Variants in ANO3 observed in about 807,000 individuals in gnomAD.
ANO3 encodes the protein anoctamin-3.
A neutral mutation model predicts 144.8 loss-of-function variants in ANO3; 99 were observed. That is an observed-to-expected ratio of 0.68 (90% CI 0.58 to 0.81). The LOEUF (loss-of-function observed/expected upper bound fraction) is 0.81, where lower values mean the gene tolerates loss of function less well. ANO3 is among the 30% of genes least tolerant of loss of function. ANO3 has a pLI of 0.00. For synonymous variants in ANO3, 414 were observed against 392.6 expected, an observed-to-expected ratio of 1.05 and a Z score of -0.64; for missense variants, 905 against 1,202.2, an observed-to-expected ratio of 0.75 and a Z score of 3.66.
chr11:26,584,639 G>C (rs1375873452), intron 14 of ANO3, among the ~76,000 whole-genome samples: 1 of 152,170 alleles, frequency 6.6e-6, no homozygotes, highest in Non-Finnish European at 1.5e-5. Flanking sequence ...TTCAAGTGTA[G>C]TAAAAATCAT....
intron 1 of ANO3, among the ~76,000 whole-genome samples, chr11:26,200,602 G>T (rs1851674184): frequency 6.6e-6 from 1 of 152,110 alleles, no homozygotes; most frequent in South Asian, 2.1e-4. Context: ...ATAGGTTATT[G>T]ATAATTAGAG....
At chr11:26,418,688 T>C (rs1335995377) in intron 1 of ANO3, among the ~76,000 whole-genome samples, 2 of 152,112 alleles carry the variant, frequency 1.3e-5, no homozygotes, top group Non-Finnish European at 2.9e-5. Context: ...CCCATTTTAC[T>C]GCTACAAACA....
chr11:26,505,852 G>A (rs1861407692), intron 4 of ANO3, among the ~76,000 whole-genome samples: 1 of 151,922 alleles, frequency 6.6e-6, no homozygotes, highest in South Asian at 2.1e-4. Context: ...GCGTGGTGGC[G>A]GGCGCCTGTA....
intron 4 of ANO3, among the ~76,000 whole-genome samples, chr11:26,485,005 C>A (rs1860387407): frequency 6.6e-6 from 1 of 152,134 alleles, no homozygotes. Context: ...GCCTGTATCC[C>A]CATTTTATAT....
At chr11:26,309,476 T>C (rs1854458729), upstream of ANO3, 2 of 164,680 alleles carry the variant, frequency 1.2e-5, no homozygotes, top group African/African-American at 4.8e-5. Context: ...GAAAATTGTA[T>C]CTTCCTACAC....
upstream of ANO3, among the ~76,000 whole-genome samples, chr11:26,307,609 C>T (rs918397819): frequency 6.6e-6 from 1 of 151,692 alleles, no homozygotes; most frequent in African/African-American, 2.4e-5. Flanking sequence ...GTCCCAGCTA[C>T]TCAGGAGGCT....
At chr11:26,396,724 T>A (rs1857023563) in intron 1 of ANO3, among the ~76,000 whole-genome samples, 1 of 151,720 alleles carries the variant, frequency 6.6e-6, no homozygotes, top group Non-Finnish European at 1.5e-5. Flanking sequence ...TTGTCACTTA[T>A]AAGTGGAAGT....
intron 1 of ANO3, among the ~76,000 whole-genome samples, chr11:26,200,405 T>TGGTC (rs897979332): frequency 1.5e-4 from 23 of 152,190 alleles, no homozygotes; most frequent in African/African-American, 5.1e-4. Context: ...GGTGTATAGT[T>TGGTC]GGTCACTCTA....
intron 2 of ANO3, among the ~76,000 whole-genome samples, 177 bp downstream of exon 2, chr11:26,442,289 C>T (rs569493867): frequency 8.5e-5 from 13 of 152,142 alleles, no homozygotes; most frequent in Non-Finnish European, 1.8e-4. Context: ...TTATCTCTTC[C>T]TTGCCTTGAA....
intron 1 of ANO3, among the ~76,000 whole-genome samples, chr11:26,221,657 AT>A (rs1852145729): frequency 6.6e-6 from 1 of 152,212 alleles, no homozygotes; most frequent in African/African-American, 2.4e-5. Context: ...GAAGTATGGC[AT>A]TGGCATCTAC....
chr11:26,519,441 A>G (rs1787598221), intron 6 of ANO3, among the ~76,000 whole-genome samples: 1 of 152,222 alleles, frequency 6.6e-6, no homozygotes, highest in Non-Finnish European at 1.5e-5. Flanking sequence ...AGAATAGTGA[A>G]TTATAAATAC....
At chr11:26,275,028 T>C (rs1795243878) in intron 1 of ANO3, among the ~76,000 whole-genome samples, 1 of 152,080 alleles carries the variant, frequency 6.6e-6, no homozygotes, top group African/African-American at 2.4e-5. Context: ...CAAAATGCTA[T>C]AATTTATCTT....
chr11:26,339,238 T>C (rs1043683225), intron 1 of ANO3, among the ~76,000 whole-genome samples: 4 of 151,648 alleles, frequency 2.6e-5, no homozygotes, highest in Admixed American at 2.0e-4. Flanking sequence ...CACTGAAACC[T>C]CTGCCTCCCG....
chr11:26,455,025 A>G (rs1284399213), intron 3 of ANO3, among the ~76,000 whole-genome samples: 3 of 149,526 alleles, frequency 2.0e-5, no homozygotes, highest in Non-Finnish European at 4.5e-5. Context: ...ATTCAACAAC[A>G]CTTCATGCTA....
At chr11:26,541,457 A>G (rs1263760206) in intron 10 of ANO3, among the ~76,000 whole-genome samples, 1 of 152,098 alleles carries the variant, frequency 6.6e-6, no homozygotes, top group African/African-American at 2.4e-5. Context: ...AAAAAGAGAG[A>G]AGAAAATCTG....
intron 1 of ANO3, among the ~76,000 whole-genome samples, chr11:26,300,075 C>G (rs1042069816): frequency 1.3e-5 from 2 of 152,092 alleles, no homozygotes; most frequent in East Asian, 3.9e-4. Context: ...CCATTAAGCC[C>G]TCATGTGGGG....
chr11:26,627,567 G>A lies in ANO3; in HGVS notation c.1873+3069G>A, dbSNP rs532592971. On this transcript the variant is annotated intron_variant, in intron 18 of 26. Coordinates refer to ENST00000256737, the MANE Select transcript of ANO3 (RefSeq NM_031418.4). ...TTCCTTACATTCATTTGCTTTTGAA[G>A]TACCCTATACCCAGGATTGAAGCAA... Among the ~76,000 whole-genome samples the A allele has an allele frequency of 5.3e-5, 8 of 152,044 alleles. No individual in the cohort carries two copies. In the South Asian group the frequency reaches 1.5e-3, roughly 28 times the overall value.
chr11:26,229,498 A>T (rs1369289721), intron 1 of ANO3, among the ~76,000 whole-genome samples: 1 of 152,250 alleles, frequency 6.6e-6, no homozygotes, highest in Non-Finnish European at 1.5e-5. Flanking sequence ...GAACTTCGCC[A>T]ATGACAAAGT....
intron 4 of ANO3, among the ~76,000 whole-genome samples, chr11:26,468,161 T>C (rs1475918781): frequency 6.6e-6 from 1 of 151,854 alleles, no homozygotes; most frequent in Non-Finnish European, 1.5e-5. Context: ...CTATAGTTAA[T>C]CTAGGTTAGC....
Sources: gnomAD v4.1 joint callset for allele counts (sites outside exome capture counted in the v4.1 genomes callset) on GRCh38, gnomAD v4.1.1 for gene constraint, MANE v1.5 for transcripts, NCBI Gene and HGNC (gene_info 2026-07-23, HGNC 2026-07-21) for gene names.